Variants in SCFD2 observed in about 807,000 individuals in gnomAD.
The protein encoded by SCFD2 is sec1 family domain containing 2.
A neutral mutation model predicts 58.9 loss-of-function variants in SCFD2; 54 were observed. The ratio of observed to expected loss-of-function variants is 0.92; its 90% confidence interval spans 0.74 to 1.15. SCFD2 has a LOEUF of 1.15. SCFD2 is among the 50% of genes most tolerant of loss of function. The pLI, the probability that SCFD2 is intolerant of heterozygous loss-of-function variation, is 0.00. For synonymous variants in SCFD2, 321 were observed against 335.9 expected (o/e 0.96, Z 0.49); for missense variants, 805 against 836.6 (o/e 0.96, Z 0.47).
chr4:52,965,094 G>T (rs1056367858), intron 5 of SCFD2, among the ~76,000 whole-genome samples: 1 of 151,978 alleles, frequency 6.6e-6, no homozygotes. Context: ...ATTGAACACC[G>T]TCTACATGCC....
Position 53,125,201 on chromosome 4 carries a change from A to G in SCFD2, c.1561+20132T>C, listed in dbSNP as rs539031075. On this transcript the variant is annotated intron_variant, in intron 5 of 8. Transcript: ENST00000401642. ...AATGAGTGGGAGTTTTATAGGTAAG[A>G]ATGGGGAACAGGGAATGTATTTTAG... 1.6e-4 allele frequency among the ~76,000 whole-genome samples: 24 copies of G among 152,298 alleles called. No homozygotes were observed. In the East Asian group the frequency reaches 3.3e-3, roughly 21 times the overall value.
At chr4:53,334,620 A>G in intron 2 of SCFD2, among the ~76,000 whole-genome samples, 2 of 149,122 alleles carry the variant, frequency 1.3e-5, no homozygotes, top group Admixed American at 6.7e-5. Flanking sequence ...GGGAAGGGGG[A>G]GGGATAGCAT....
chr4:53,343,085 A>G (rs997238353), intron 2 of SCFD2, among the ~76,000 whole-genome samples: 2 of 152,208 alleles, frequency 1.3e-5, no homozygotes, highest in Non-Finnish European at 2.9e-5. Flanking sequence ...AAAAGCTAGA[A>G]GAAGGCAAGA....
intron 4 of SCFD2, among the ~76,000 whole-genome samples, chr4:53,247,867 CAAAAAAA>C (rs35585900): frequency 1.7e-4 from 9 of 54,510 alleles, no homozygotes; most frequent in Non-Finnish European, 2.6e-4. Context: ...GACTCCGTCT[CAAAAAAA>C]AAAAAAAAAA....
At chr4:53,170,519 T>A (rs998464329) in intron 4 of SCFD2, among the ~76,000 whole-genome samples, 1 of 152,188 alleles carries the variant, frequency 6.6e-6, no homozygotes, top group African/African-American at 2.4e-5. Context: ...CTATTTGAGT[T>A]TTTATGTTGT....
At chr4:53,203,705 C>G (rs183790734) in intron 4 of SCFD2, among the ~76,000 whole-genome samples, 1 of 152,040 alleles carries the variant, frequency 6.6e-6, no homozygotes, top group African/African-American at 2.4e-5. Flanking sequence ...AGAAACAAAC[C>G]TACTTATACT....
chr4:52,937,717 T>C (rs1255685177), intron 5 of SCFD2, among the ~76,000 whole-genome samples: 1 of 151,870 alleles, frequency 6.6e-6, no homozygotes, highest in Admixed American at 6.6e-5. Flanking sequence ...CAACTGAGGG[T>C]GTGAAGAGGA....
intron 4 of SCFD2, among the ~76,000 whole-genome samples, chr4:53,215,776 G>A (rs1229404165): frequency 1.3e-5 from 2 of 152,232 alleles, no homozygotes; most frequent in African/African-American, 4.8e-5. Context: ...GATATTGGCT[G>A]TGGGTTTGTC....
chr4:53,181,103 GAAATCAATAGA>G (rs1247595817), intron 4 of SCFD2, among the ~76,000 whole-genome samples: 4 of 152,152 alleles, frequency 2.6e-5, no homozygotes, highest in Non-Finnish European at 5.9e-5. Context: ...CATTCCTTCT[GAAATCAATAGA>G]AAATCAATAG....
intron 4 of SCFD2, among the ~76,000 whole-genome samples, chr4:53,249,137 G>A (rs983522691): frequency 6.6e-6 from 1 of 152,182 alleles, no homozygotes; most frequent in African/African-American, 2.4e-5. Context: ...GAAAGCCAAG[G>A]CTCGAGAACT....
chr4:53,273,880 G>T lies in SCFD2; in HGVS notation c.1257C>A (p.His419Gln). 1 of 1,613,828 alleles carries T rather than the reference G, an allele frequency of 6.2e-7. No homozygotes were observed. Among genetic ancestry groups the T allele is most frequent in the South Asian group, 1.1e-5 (1 of 91,006 alleles). ...AGTTGTCCCACTTGGCAGTCTGTGG[G>T]TGTTTCAACGTTTGAGCTGTGGCCA... ...LGLATAQTLKHPQTAKWDNFL... is the reference protein window; with the variant it reads ...LGLATAQTLKQPQTAKWDNFL... Residue 419 changes from histidine to glutamine, a missense_variant, in exon 4 of 9, where the codon CAC (histidine) becomes CAA (glutamine). This residue lies in a region of SCFD2 where 633 missense variants were observed against 646.8 expected (regional missense o/e 0.98). Coordinates refer to ENST00000401642, the MANE Select transcript of SCFD2 (RefSeq NM_152540.4).
At chr4:52,923,432 C>T (rs1482310588) in intron 5 of SCFD2, among the ~76,000 whole-genome samples, 2 of 151,610 alleles carry the variant, frequency 1.3e-5, no homozygotes, top group African/African-American at 2.4e-5. Flanking sequence ...GAGCTGAGAT[C>T]GTGCCACAGC....
intron 4 of SCFD2, among the ~76,000 whole-genome samples, chr4:53,271,668 G>A (rs1022256378): frequency 2.0e-5 from 3 of 151,968 alleles, no homozygotes; most frequent in Non-Finnish European, 4.4e-5. Flanking sequence ...TTGCCATGTT[G>A]GCCAGGCTGG....
At chr4:53,331,303 G>T (rs956473919) in intron 2 of SCFD2, among the ~76,000 whole-genome samples, 12 of 150,954 alleles carry the variant, frequency 7.9e-5, no homozygotes, top group Admixed American at 7.9e-4. Flanking sequence ...ATTTTTTTCA[G>T]CACCACACCA....
chr4:53,262,516 G>C (rs1401814268), intron 4 of SCFD2, among the ~76,000 whole-genome samples: 1 of 152,144 alleles, frequency 6.6e-6, no homozygotes, highest in Non-Finnish European at 1.5e-5. Context: ...ATGAAGCTTA[G>C]TTTTGCTGGA....
intron 5 of SCFD2, among the ~76,000 whole-genome samples, chr4:52,960,938 G>T (rs894380052): frequency 1.3e-5 from 2 of 152,154 alleles, no homozygotes; most frequent in Non-Finnish European, 2.9e-5. Flanking sequence ...AGTATCGTAG[G>T]AGTTCATGGT....
At chr4:53,065,399 A>G (rs1723634505) in intron 5 of SCFD2, among the ~76,000 whole-genome samples, 1 of 152,110 alleles carries the variant, frequency 6.6e-6, no homozygotes, top group South Asian at 2.1e-4. Flanking sequence ...CTGTAAGAAC[A>G]CTTACAATAC....
chr4:53,128,049 T>C (rs1308010459), intron 5 of SCFD2, among the ~76,000 whole-genome samples: 1 of 111,382 alleles, frequency 9.0e-6, no homozygotes, highest in African/African-American at 3.5e-5. Context: ...GGCCATGTCC[T>C]AAAAAAAAAA....
At chr4:52,908,376 C>T (rs915441789) in intron 6 of SCFD2, among the ~76,000 whole-genome samples, 18 of 152,140 alleles carry the variant, frequency 1.2e-4, no homozygotes, top group African/African-American at 4.3e-4. Flanking sequence ...AAGTTCTTCC[C>T]GTTTTCTTTT....
Sources: allele counts gnomAD v4.1 joint callset (sites outside exome capture counted in the v4.1 genomes callset), GRCh38; gene constraint gnomAD v4.1.1; regional missense constraint gnomAD v4.1.1; transcripts MANE v1.5; gene names NCBI Gene and HGNC (gene_info 2026-07-23, HGNC 2026-07-21).